RORA: variants seen among roughly 807,000 people sequenced by gnomAD.
The protein encoded by RORA is RAR related orphan receptor A, also known as nuclear receptor ROR-alpha.
RORA carries 7 observed loss-of-function variants against 69.5 expected under a neutral mutation model. That is an observed-to-expected ratio of 0.10 (90% CI 0.06 to 0.19). The LOEUF is 0.19. Ranked by LOEUF, RORA falls within the 10% of genes least tolerant of loss-of-function variation. The pLI is 1.00. For missense variants in RORA, 457 were observed against 663.0 expected (o/e 0.69, Z 3.41); for synonymous variants, 261 against 240.8 (o/e 1.08, Z -0.78).
chr15:60,491,944 T>A lies in RORA; in HGVS notation c.*5511A>T, dbSNP rs1292492908. The A allele has an allele frequency of 6.6e-6, 1 of 152,174 alleles. No individual in the cohort carries two copies. Among genetic ancestry groups the A allele is most frequent in the Non-Finnish European group, 1.5e-5 (1 of 68,020 alleles). 9.4% of individuals were successfully genotyped at this position (152,174 alleles called of 1,614,324 possible). On this transcript the variant is annotated 3_prime_UTR_variant, in exon 11 of 11. Coordinates refer to ENST00000335670, the MANE Select transcript of RORA (RefSeq NM_134261.3). Reference sequence around the variant, plus strand: ...TTGCGTTTCTGGGCACATTATTTGATCTATAATATAAAGTTGTTTTCATGG... The same window carrying A: ...TTGCGTTTCTGGGCACATTATTTGAACTATAATATAAAGTTGTTTTCATGG...
At chr15:60,554,875 C>T (rs931848283) in intron 2 of RORA, among the ~76,000 whole-genome samples, 31 of 152,014 alleles carry the variant, frequency 2.0e-4, no homozygotes, top group African/African-American at 1.5e-4. Flanking sequence ...CTTTCCCCCA[C>T]GCTCACCCCC....
At chr15:60,505,659 G>A (rs754913994) in intron 5 of RORA, 30 bp from the exon 6 acceptor site, 26 of 1,608,392 alleles carry the variant, frequency 1.6e-5, no homozygotes, top group Non-Finnish European at 1.9e-5. Flanking sequence ...TCACAAACAC[G>A]AAAAGCGAAG....
chr15:61,093,745 T>C (rs2078746310), intron 1 of RORA, among the ~76,000 whole-genome samples: 1 of 152,194 alleles, frequency 6.6e-6, no homozygotes, highest in Non-Finnish European at 1.5e-5. Context: ...TGGCCACCTC[T>C]GAAGCTAATC....
intron 1 of RORA, among the ~76,000 whole-genome samples, chr15:61,075,514 G>T (rs1418770082): frequency 6.6e-6 from 1 of 152,216 alleles, no homozygotes; most frequent in Non-Finnish European, 1.5e-5. Context: ...GGCACCTTCA[G>T]TCAGGAATCT....
chr15:60,788,201 C>T (rs1204334330), intron 1 of RORA, among the ~76,000 whole-genome samples: 2 of 152,198 alleles, frequency 1.3e-5, no homozygotes, highest in Non-Finnish European at 2.9e-5. Context: ...GCATCATGTG[C>T]ATTCATCCAC....
chr15:60,539,985 G>A (rs1417931616), intron 2 of RORA, among the ~76,000 whole-genome samples: 2 of 151,996 alleles, frequency 1.3e-5, no homozygotes, highest in African/African-American at 4.8e-5. Flanking sequence ...AATCTCTCGG[G>A]GTGGGTTAAA....
chr15:60,606,086 A>G (rs2068939383), intron 2 of RORA, among the ~76,000 whole-genome samples: 2 of 152,366 alleles, frequency 1.3e-5, no homozygotes, highest in South Asian at 4.1e-4. Context: ...GGCTAGCTTG[A>G]AAAAACAAGT....
chr15:60,876,069 T>G (rs1162442842), intron 1 of RORA, among the ~76,000 whole-genome samples: 1 of 152,184 alleles, frequency 6.6e-6, no homozygotes, highest in Non-Finnish European at 1.5e-5. Flanking sequence ...AAACCAGTTG[T>G]GAAAGCCAAG....
intron 2 of RORA, among the ~76,000 whole-genome samples, chr15:60,602,135 A>T (rs771923525): frequency 1.2e-4 from 18 of 152,288 alleles, no homozygotes; most frequent in Non-Finnish European, 1.8e-4. Context: ...TTGATTTACA[A>T]CATCTTTGCT....
Position 60,636,796 on chromosome 15 carries a change from A to G in RORA, c.196+41861T>C, listed in dbSNP as rs538037896. On this transcript the variant is annotated intron_variant, in intron 2 of 10. Coordinates refer to ENST00000335670, the MANE Select transcript of RORA (RefSeq NM_134261.3). ...GAGGGTTCTTGCCAGTATTTTCTCT[A>G]TTTTTTCGTATGCTTTTAAAAATCT... Among the ~76,000 whole-genome samples, 6 of 152,154 alleles carry G rather than the reference A, an allele frequency of 3.9e-5. No individual in the cohort carries two copies. In the South Asian group the frequency reaches 1.2e-3, roughly 32 times the overall value.
Position 61,058,955 on chromosome 15 carries a change from C to T in RORA, c.166+170098G>A, listed in dbSNP as rs922826784. The stretch of plus-strand genomic sequence containing the variant: ...TCATCTGTAAAATATGGTGAATTTA[C>T]GGTGATAAAGCATTTCCACAGGCAT... On this transcript the variant is annotated intron_variant, in intron 1 of 10. Coordinates refer to ENST00000335670, the MANE Select transcript of RORA (RefSeq NM_134261.3). Among the ~76,000 whole-genome samples, 5 of 152,176 alleles carry T rather than the reference C, an allele frequency of 3.3e-5. No homozygotes were observed. In the East Asian group the frequency reaches 5.8e-4, roughly 18 times the overall value.
At chr15:61,161,690 T>C (rs2079497386) in intron 1 of RORA, among the ~76,000 whole-genome samples, 1 of 152,162 alleles carries the variant, frequency 6.6e-6, no homozygotes, top group South Asian at 2.1e-4. Flanking sequence ...TTTGAATCTT[T>C]AAACAGCAAG....
chr15:61,162,683 G>GT (rs2079506007), intron 1 of RORA, among the ~76,000 whole-genome samples: 1 of 152,164 alleles, frequency 6.6e-6, no homozygotes, highest in Non-Finnish European at 1.5e-5. Context: ...AAGGTTAAGT[G>GT]TTTTATTAAA....
intron 2 of RORA, among the ~76,000 whole-genome samples, chr15:60,626,603 C>T (rs1368316542): frequency 6.6e-6 from 1 of 152,162 alleles, no homozygotes; most frequent in Non-Finnish European, 1.5e-5. Flanking sequence ...TCAACCCCAT[C>T]ATAAACCCAT....
intron 1 of RORA, among the ~76,000 whole-genome samples, chr15:60,892,775 G>C (rs904567410): frequency 6.6e-6 from 1 of 152,174 alleles, no homozygotes; most frequent in African/African-American, 2.4e-5. Flanking sequence ...TACTGTGAAA[G>C]AAATTTTCCA....
intron 1 of RORA, among the ~76,000 whole-genome samples, chr15:60,784,287 C>T (rs1161552329): frequency 2.6e-5 from 4 of 152,030 alleles, no homozygotes; most frequent in Non-Finnish European, 5.9e-5. Flanking sequence ...ATATAGGGAC[C>T]CTGTATTGGC....
chr15:60,988,311 TCAGA>T (rs1347131149), intron 1 of RORA, among the ~76,000 whole-genome samples: 2 of 152,146 alleles, frequency 1.3e-5, no homozygotes, highest in African/African-American at 4.8e-5. Context: ...GGGTAGAAAG[TCAGA>T]AGCAAATGTA....
intron 1 of RORA, among the ~76,000 whole-genome samples, chr15:60,952,359 C>T (rs1021413148): frequency 6.6e-6 from 1 of 152,132 alleles, no homozygotes; most frequent in African/African-American, 2.4e-5. Flanking sequence ...AAACTGAAAG[C>T]ATTCCCTTTG....
intron 2 of RORA, among the ~76,000 whole-genome samples, chr15:60,649,011 T>A (rs2070100678): frequency 1.3e-5 from 2 of 152,172 alleles, no homozygotes; most frequent in Admixed American, 1.3e-4. Context: ...TCACAGGTGC[T>A]CTTGGCTGTG....
Sources: gnomAD v4.1 joint callset for allele counts (sites outside exome capture counted in the v4.1 genomes callset) on GRCh38, gnomAD v4.1.1 for gene constraint, MANE v1.5 for transcripts, NCBI Gene and HGNC (gene_info 2026-07-23, HGNC 2026-07-21) for gene names.